The following ATP6V0A4 variants were observed in gnomAD, a reference collection of about 807,000 sequenced individuals.
The protein encoded by ATP6V0A4 is ATPase H+ transporting V0 subunit a4.
A neutral mutation model predicts 107.3 loss-of-function variants in ATP6V0A4; 86 were observed. That is an observed-to-expected ratio of 0.80 (90% CI 0.67 to 0.96). The LOEUF (loss-of-function observed/expected upper bound fraction) is 0.96, where lower values mean the gene tolerates loss of function less well. Among genes scored for constraint, ATP6V0A4 ranks in the 40% least tolerant of loss-of-function variants. The pLI is 0.00. For missense variants in ATP6V0A4, 908 were observed against 1,045.6 expected (o/e 0.87, Z 1.81); for synonymous variants, 353 against 381.4 (o/e 0.93, Z 0.87).
intron 3 of ATP6V0A4, among the ~76,000 whole-genome samples, chr7:138,770,768 A>G (rs2117336815): frequency 6.6e-6 from 1 of 152,318 alleles, no homozygotes; most frequent in African/African-American, 2.4e-5. Context: ...GTCAGGAAAA[A>G]TAGTTTTTAT....
intron 17 of ATP6V0A4, among the ~76,000 whole-genome samples, chr7:138,730,386 G>A (rs896190): frequency 0.68 from 101,254 of 149,488 alleles, 34,730 homozygotes; most frequent in East Asian, 0.81. Context: ...GTGTGTGTGT[G>A]GCTATCCTTT....
At position 138,769,179 on chromosome 7, in the gene ATP6V0A4, TTC is replaced by T. The variant is rs1807245297; in HGVS notation, c.188_189del (p.Arg63AsnfsTer12). On this transcript the variant is annotated frameshift_variant, in exon 4 of 22. Transcript: ENST00000310018. LOFTEE classifies it high-confidence loss of function. ...NEVRRCESLERILRFLEDEMQ... is the reference protein window; with the variant it reads ...NEVRRCESLEXILRFLEDEMQ... ...AAAAAAAAAATTGGCTTACGGAGGA[TTC>T]TCTCCAGTGATTCACACCTTCTGAC... 6.2e-7 allele frequency: 1 copy of T among 1,610,340 alleles called. No individual in the cohort carries two copies.
chr7:138,740,234 C>T (rs1805556813), intron 14 of ATP6V0A4, among the ~76,000 whole-genome samples: 1 of 151,938 alleles, frequency 6.6e-6, no homozygotes, highest in Non-Finnish European at 1.5e-5. Context: ...GAAAGAAACC[C>T]CAGCCCAGGG....
intron 2 of ATP6V0A4, among the ~76,000 whole-genome samples, chr7:138,776,775 A>G (rs776388904): frequency 3.3e-5 from 5 of 152,212 alleles, no homozygotes; most frequent in Admixed American, 6.5e-5. Flanking sequence ...GCCATTTACC[A>G]TGCGTGACCT....
At chr7:138,743,986 C>T (rs1367918234) in intron 14 of ATP6V0A4, among the ~76,000 whole-genome samples, 1 of 152,124 alleles carries the variant, frequency 6.6e-6, no homozygotes, top group Non-Finnish European at 1.5e-5. Context: ...ACTCTAAAAT[C>T]TTTCTCCCCA....
At chr7:138,731,107 G>C (rs1804991121) in intron 17 of ATP6V0A4, among the ~76,000 whole-genome samples, 1 of 152,048 alleles carries the variant, frequency 6.6e-6, no homozygotes. Context: ...CTAATTTTTT[G>C]TATTTTTAGT....
chr7:138,787,197 G>A (rs1263185217), intron 1 of ATP6V0A4, among the ~76,000 whole-genome samples: 1 of 152,160 alleles, frequency 6.6e-6, no homozygotes, highest in East Asian at 1.9e-4. Context: ...TTTCTCACAG[G>A]ACTTAACACC....
At chr7:138,782,595 G>T (rs1319304530) in intron 2 of ATP6V0A4, among the ~76,000 whole-genome samples, 2 of 152,200 alleles carry the variant, frequency 1.3e-5, no homozygotes, top group Admixed American at 1.3e-4. Context: ...AACAGAGGGA[G>T]GAGGATAATC....
intron 19 of ATP6V0A4, among the ~76,000 whole-genome samples, chr7:138,718,412 G>T (rs557079640): frequency 2.0e-4 from 25 of 121,952 alleles, no homozygotes; most frequent in African/African-American, 7.9e-4. Context: ...AGGAAGGAAG[G>T]GGGGGCGTGC....
intron 2 of ATP6V0A4, among the ~76,000 whole-genome samples, chr7:138,781,667 T>C (rs1807927725): frequency 6.6e-6 from 1 of 151,722 alleles, no homozygotes; most frequent in Admixed American, 6.6e-5. Context: ...AAGTCATCTG[T>C]GAATAAAATT....
intron 20 of ATP6V0A4, among the ~76,000 whole-genome samples, chr7:138,713,237 G>A (rs937373785): frequency 9.0e-4 from 134 of 149,604 alleles, no homozygotes; most frequent in African/African-American, 3.2e-3. Context: ...CCTGGGAGGC[G>A]GAGGTTGCAG....
At position 138,784,257 on chromosome 7, in the gene ATP6V0A4, TATATATATACATATATATATATAC is replaced by T; in HGVS notation, c.-18+1877_-18+1900del. ...ATACGTATATATATATATATACATA[TATATATATACATATATATATATAC>T]ATATATATACACACACACACACACA... On this transcript the variant is annotated intron_variant, in intron 2 of 21. Coordinates refer to ENST00000310018, the MANE Select transcript of ATP6V0A4 (RefSeq NM_020632.3). Among the ~76,000 whole-genome samples, 2 of 32,836 alleles carry T rather than the reference TATATATATACATATATATATATAC, an allele frequency of 6.1e-5. 1 individual carries two copies. The highest frequency in any genetic ancestry group is 2.4e-3 in the South Asian group (2 of 838). 21.5% of individuals were successfully genotyped at this position (32,836 alleles called of 152,430 possible).
chr7:138,787,033 C>T (rs1808207392), intron 1 of ATP6V0A4, among the ~76,000 whole-genome samples: 1 of 152,192 alleles, frequency 6.6e-6, no homozygotes, highest in African/African-American at 2.4e-5. Context: ...TCACCTGATT[C>T]AGTCTCCTTA....
At position 138,728,851 on chromosome 7, in the gene ATP6V0A4, T is replaced by C. The variant is rs747671750; in HGVS notation, c.1920A>G (p.Gln640=). The C allele has an allele frequency of 3.1e-6, 5 of 1,614,100 alleles. No homozygotes were observed. Among genetic ancestry groups the C allele is most frequent in the Non-Finnish European group, 4.2e-6 (5 of 1,180,026 alleles). ...TCAAAGCCATAACCACAAAGAAACT[T>C]TGGACTTCTTGCTGCAAGACCAAAA... ...APLYKHQQEV[Q]SFFVVMALIS... is the part of the protein sequence containing the mutation. The change falls in exon 18 of 22, where the codon CAA becomes CAG. Residue 640 remains glutamine (Q), a synonymous_variant. Transcript: ENST00000310018.
chr7:138,775,148 T>TTA (rs1807602852), intron 2 of ATP6V0A4, among the ~76,000 whole-genome samples: 1 of 151,896 alleles, frequency 6.6e-6, no homozygotes, highest in Non-Finnish European at 1.5e-5. Flanking sequence ...GGGGGTGCTT[T>TTA]TTTTTAACTT....
In ATP6V0A4 at chr7:138,747,581, C is replaced by G. The variant is rs1418275829; in HGVS notation, c.1181-17G>C. On this transcript the variant is annotated splice_polypyrimidine_tract_variant and intron_variant, in intron 12 of 21. Transcript: ENST00000310018. ...TGTAGGGGGCTGCGGAGGGGAGACA[C>G]ACAACGCCTGAGGCCTCAGCACAGC... The G allele has an allele frequency of 6.2e-7, 1 of 1,613,538 alleles. No homozygotes were observed. The highest frequency in any genetic ancestry group is 8.5e-7 in the Non-Finnish European group (1 of 1,179,870).
In ATP6V0A4 at chr7:138,715,955, T is replaced by G. The variant is rs569633304; in HGVS notation, c.2140-74A>C. 1.5e-4 allele frequency: 239 copies of G among 1,578,570 alleles called. No homozygotes were observed. In the African/African-American group the frequency reaches 2.9e-3, roughly 19 times the overall value. ...AAAGTTATTCCAAATGATGCAAAGA[T>G]GAATAAGACATGGGCTTTGCTGTTC... On this transcript the variant is annotated intron_variant, in intron 19 of 21. Transcript: ENST00000310018.
intron 14 of ATP6V0A4, 70 bp from the exon 15 acceptor site, chr7:138,739,703 A>G (rs1164180645): frequency 3.8e-6 from 6 of 1,586,890 alleles, no homozygotes; most frequent in Non-Finnish European, 5.1e-6. Flanking sequence ...TAATACCACC[A>G]GTCACGAACT....
chr7:138,706,705 CT>C lies in ATP6V0A4; in HGVS notation c.2441del (p.Gln814ArgfsTer49). Reference sequence around the variant, plus strand: ...AACCATCCCCGACATAGAACTTGTTCTGGAACTCAACCCTGTTGTTGAGGGG... The same window carrying C: ...AACCATCCCCGACATAGAACTTGTTCGGAACTCAACCCTGTTGTTGAGGGG... Reference protein sequence around the residue: ...HALRLHWVEFQNKFYVGDGYK... With the variant: ...HALRLHWVEFXNKFYVGDGYK... On this transcript the variant is annotated frameshift_variant, in exon 22 of 22. Coordinates refer to ENST00000310018, the MANE Select transcript of ATP6V0A4 (RefSeq NM_020632.3). LOFTEE classifies it high-confidence loss of function. 1 of 1,613,490 alleles carries C rather than the reference CT, an allele frequency of 6.2e-7. No individual in the cohort carries two copies. The highest frequency in any genetic ancestry group is 8.5e-7 in the Non-Finnish European group (1 of 1,179,778).
Sources: allele counts gnomAD v4.1 joint callset (sites outside exome capture counted in the v4.1 genomes callset), GRCh38; gene constraint gnomAD v4.1.1; transcripts MANE v1.5; gene names NCBI Gene and HGNC (gene_info 2026-07-23, HGNC 2026-07-21).